DAB1: variants seen among roughly 807,000 people sequenced by gnomAD.
DAB1 encodes the protein DAB adaptor protein 1, also known as disabled homolog 1.
A neutral mutation model predicts 64.6 loss-of-function variants in DAB1; 15 were observed. The observed-to-expected ratio is 0.23, with a 90% CI of 0.16 to 0.36. The LOEUF (loss-of-function observed/expected upper bound fraction) is 0.36. Ranked by LOEUF, DAB1 falls within the 10% of genes least tolerant of loss-of-function variation. DAB1 has a pLI of 1.00. For synonymous variants in DAB1, 235 were observed against 251.9 expected, an observed-to-expected ratio of 0.93 and a Z score of 0.64; for missense variants, 596 against 706.7, an observed-to-expected ratio of 0.84 and a Z score of 1.78.
At chr1:58,519,976 T>C (rs1646236275) in intron 2 of DAB1, among the ~76,000 whole-genome samples, 1 of 152,202 alleles carries the variant, frequency 6.6e-6, no homozygotes, top group African/African-American at 2.4e-5. Context: ...CACATTCTGA[T>C]ACATGGACAG....
chr1:57,732,904 C>T (rs1647504933), intron 6 of DAB1, among the ~76,000 whole-genome samples: 1 of 152,138 alleles, frequency 6.6e-6, no homozygotes, highest in South Asian at 2.1e-4. Flanking sequence ...GTTTAAGGCT[C>T]TGCCATTGTT....
intron 2 of DAB1, among the ~76,000 whole-genome samples, chr1:57,235,603 G>A (rs1259042194): frequency 6.6e-6 from 1 of 151,832 alleles, no homozygotes; most frequent in African/African-American, 2.4e-5. Context: ...GATAACTTAA[G>A]GTTCAAGTAA....
At chr1:58,523,900 A>C (rs1406626870) in intron 2 of DAB1, among the ~76,000 whole-genome samples, 1 of 152,146 alleles carries the variant, frequency 6.6e-6, no homozygotes, top group Non-Finnish European at 1.5e-5. Flanking sequence ...CTCCATCTCA[A>C]AAAAAGAAAA....
chr1:57,265,179 C>T (rs890553385), intron 2 of DAB1, among the ~76,000 whole-genome samples: 5 of 152,294 alleles, frequency 3.3e-5, no homozygotes, highest in East Asian at 3.9e-4. Flanking sequence ...CCTCCAGACA[C>T]GGTGAATTTT....
At chr1:58,441,931 G>A (rs1264858335) in intron 3 of DAB1, among the ~76,000 whole-genome samples, 6 of 152,162 alleles carry the variant, frequency 3.9e-5, no homozygotes, top group African/African-American at 1.4e-4. Context: ...CCTGTCACAC[G>A]AAAGAGACCG....
At chr1:57,867,242 G>C (rs554783428) in intron 1 of DAB1, 1 of 152,248 alleles carries the variant, frequency 6.6e-6, no homozygotes, top group African/African-American at 2.4e-5. Context: ...CCAACTCGTG[G>C]TGCCAATGGG....
chr1:58,435,551 G>A (rs1056158669), intron 3 of DAB1, among the ~76,000 whole-genome samples: 1 of 152,122 alleles, frequency 6.6e-6, no homozygotes, highest in Admixed American at 6.6e-5. Flanking sequence ...CCAGTAAACT[G>A]AGCTTCTGCC....
intron 2 of DAB1, among the ~76,000 whole-genome samples, chr1:57,217,967 G>GA (rs976166098): frequency 2.0e-5 from 3 of 151,906 alleles, no homozygotes; most frequent in Non-Finnish European, 2.9e-5. Flanking sequence ...AGGTCCCAAG[G>GA]AAAAAAACAC....
chr1:57,172,634 C>T (rs891774905), intron 2 of DAB1, among the ~76,000 whole-genome samples: 1 of 152,054 alleles, frequency 6.6e-6, no homozygotes, highest in Non-Finnish European at 1.5e-5. Flanking sequence ...GGAGGGCCAG[C>T]GTGTTCAGAG....
intron 1 of DAB1, among the ~76,000 whole-genome samples, chr1:57,375,595 GC>G (rs1485250730): frequency 1.3e-5 from 2 of 152,158 alleles, no homozygotes; most frequent in Non-Finnish European, 2.9e-5. Context: ...ATAAGGGCCA[GC>G]ATTTGAATCC....
At chr1:57,611,969 C>CT (rs949130190) in intron 7 of DAB1, among the ~76,000 whole-genome samples, 2 of 152,130 alleles carry the variant, frequency 1.3e-5, no homozygotes, top group African/African-American at 4.8e-5. Context: ...GGCCTCTTTG[C>CT]TTTTTCAACA....
intron 1 of DAB1, among the ~76,000 whole-genome samples, chr1:57,858,361 A>G (rs1653854373): frequency 6.6e-6 from 1 of 152,066 alleles, no homozygotes; most frequent in Non-Finnish European, 1.5e-5. Flanking sequence ...TTCCTCCCTT[A>G]ATGGCAGGGA....
At chr1:57,287,617 T>C (rs1271121701) in intron 2 of DAB1, among the ~76,000 whole-genome samples, 1 of 152,154 alleles carries the variant, frequency 6.6e-6, no homozygotes. Context: ...AACGACATGG[T>C]TATATTCAAA....
chr1:58,511,561 C>G (rs1000552135), intron 2 of DAB1, among the ~76,000 whole-genome samples: 6 of 151,872 alleles, frequency 4.0e-5, no homozygotes, highest in Non-Finnish European at 5.9e-5. Context: ...CCTGGGAAGT[C>G]GAGGCTAGAG....
chr1:57,707,792 G>C (rs956637353), intron 6 of DAB1, among the ~76,000 whole-genome samples: 2 of 152,168 alleles, frequency 1.3e-5, no homozygotes, highest in African/African-American at 4.8e-5. Flanking sequence ...TGAGGGTTGT[G>C]ACCTAAGCCT....
chr1:57,600,999 A>T (rs1182020183), intron 7 of DAB1, among the ~76,000 whole-genome samples: 1 of 152,170 alleles, frequency 6.6e-6, no homozygotes, highest in African/African-American at 2.4e-5. Context: ...ATTTAATTTT[A>T]ATTAAAAAGA....
Position 57,552,131 on chromosome 1 carries a change from A to C in DAB1, n.625+97461T>G, listed in dbSNP as rs1386526122. Among the ~76,000 whole-genome samples the C allele has an allele frequency of 2.0e-5, 3 of 152,304 alleles. No homozygotes were observed. In the East Asian group the frequency reaches 5.8e-4, roughly 29 times the overall value. ...CTTTACAATGGACATTGCTACAGCCAGGGAGAGTCTGGTGGGATCTTTCTC... is the reference window on the plus strand; with the variant it reads ...CTTTACAATGGACATTGCTACAGCCCGGGAGAGTCTGGTGGGATCTTTCTC... On this transcript the variant is annotated intron_variant and non_coding_transcript_variant, in intron 7 of 20. Transcript: ENST00000485760.
intron 1 of DAB1, among the ~76,000 whole-genome samples, chr1:57,852,188 C>T (rs1332594570): frequency 6.6e-6 from 1 of 152,146 alleles, no homozygotes; most frequent in Non-Finnish European, 1.5e-5. Context: ...CCTGAAGATC[C>T]TCATGTGATA....
intron 9 of DAB1, among the ~76,000 whole-genome samples, chr1:57,034,324 G>A (rs1647065655): frequency 6.7e-6 from 1 of 148,418 alleles, no homozygotes; most frequent in Non-Finnish European, 1.5e-5. Context: ...TGCAAGCTCA[G>A]TGCTCCCCAA....
Sources: gnomAD v4.1 joint callset for allele counts (sites outside exome capture counted in the v4.1 genomes callset) on GRCh38, gnomAD v4.1.1 for gene constraint, MANE v1.5 for transcripts, NCBI Gene and HGNC (gene_info 2026-07-23, HGNC 2026-07-21) for gene names.